Variants in EYA2 observed in about 807,000 individuals in gnomAD.
EYA2 encodes protein phosphatase EYA2.
Under a neutral mutation model 69.2 loss-of-function variants are expected in EYA2, and 31 were observed. The observed-to-expected ratio is 0.45, with a 90% CI of 0.34 to 0.60. EYA2 has a LOEUF of 0.60. EYA2 is among the 20% of genes least tolerant of loss of function. The pLI is 0.02. For synonymous variants in EYA2, 257 were observed against 279.4 expected (o/e 0.92, Z 0.80); for missense variants, 622 against 701.2 (o/e 0.89, Z 1.28).
intron 1 of EYA2, among the ~76,000 whole-genome samples, chr20:46,959,965 G>A (rs1287561601): frequency 6.6e-6 from 1 of 152,138 alleles, no homozygotes; most frequent in Non-Finnish European, 1.5e-5. Context: ...GATTTTTCAT[G>A]GCCTTCTGAA....
chr20:47,141,595 G>T (rs1487005273), intron 9 of EYA2, among the ~76,000 whole-genome samples: 1 of 152,172 alleles, frequency 6.6e-6, no homozygotes, highest in Non-Finnish European at 1.5e-5. Flanking sequence ...TATGATACAT[G>T]TCCATTGTGG....
At chr20:46,958,324 T>C (rs1189506229) in intron 1 of EYA2, among the ~76,000 whole-genome samples, 2 of 152,072 alleles carry the variant, frequency 1.3e-5, no homozygotes, top group African/African-American at 4.8e-5. Flanking sequence ...AACCAAACCT[T>C]GAAAATGCCC....
intron 7 of EYA2, among the ~76,000 whole-genome samples, chr20:47,078,372 C>G (rs1328548901): frequency 6.7e-6 from 1 of 149,946 alleles, no homozygotes; most frequent in East Asian, 2.0e-4. Context: ...CATTCATGCA[C>G]TCTTTTTAAA....
intron 5 of EYA2, among the ~76,000 whole-genome samples, chr20:47,023,640 T>TG (rs1405052841): frequency 2.3e-4 from 32 of 139,234 alleles, no homozygotes; most frequent in Non-Finnish European, 3.0e-4. Context: ...GTGTTTTTTT[T>TG]TTTTTTTTTT....
Position 46,987,985 on chromosome 20 carries a change from TATATATATATATGG to T in EYA2, c.-10-2015_-10-2002del, listed in dbSNP as rs1230290704. Among the ~76,000 whole-genome samples, 102 of 78,132 alleles carry T rather than the reference TATATATATATATGG, an allele frequency of 1.3e-3. 2 individuals carry two copies. Among genetic ancestry groups the T allele is most frequent in the African/African-American group, 3.0e-3 (47 of 15,768 alleles). 51.3% of individuals were successfully genotyped at this position (78,132 alleles called of 152,430 possible). ...CTCTCTATATATATATATATATATA[TATATATATATATGG>T]GGCAAAAAAAAAATACAGAATAAAA... On this transcript the variant is annotated intron_variant, in intron 1 of 15. Transcript: ENST00000327619.
In EYA2 at chr20:47,059,854, G is replaced by A. The variant is rs138108526; in HGVS notation, c.416-12331G>A. On this transcript the variant is annotated intron_variant, in intron 5 of 15. Coordinates refer to ENST00000327619, the MANE Select transcript of EYA2 (RefSeq NM_005244.5). ...GTCTTGGTCTAGGAGGCCCCTTTGG[G>A]TCTGGACTCTTCACATCTGTGTCTT... Among the ~76,000 whole-genome samples the A allele has an allele frequency of 1.9e-3, 285 of 152,266 alleles. 3 individuals are homozygous for A. The highest frequency in any genetic ancestry group is 6.5e-3 in the African/African-American group (272 of 41,552).
At chr20:46,974,264 G>A (rs1980317860) in intron 1 of EYA2, among the ~76,000 whole-genome samples, 1 of 152,062 alleles carries the variant, frequency 6.6e-6, no homozygotes, top group African/African-American at 2.4e-5. Flanking sequence ...AAATAATTTG[G>A]ACCAAGTGAA....
At chr20:46,977,361 G>A (rs1980526957) in intron 1 of EYA2, among the ~76,000 whole-genome samples, 2 of 152,216 alleles carry the variant, frequency 1.3e-5, no homozygotes, top group African/African-American at 2.4e-5. Context: ...TATCTCAGCA[G>A]GAGGAGGCAC....
intron 5 of EYA2, among the ~76,000 whole-genome samples, chr20:47,071,089 T>C (rs1031586674): frequency 4.6e-5 from 7 of 152,010 alleles, no homozygotes; most frequent in African/African-American, 1.7e-4. Context: ...GGCTCGCTGC[T>C]ACCTCCGCCT....
At chr20:47,135,242 A>G (rs141534282) in intron 9 of EYA2, among the ~76,000 whole-genome samples, 91 of 151,246 alleles carry the variant, frequency 6.0e-4, no homozygotes, top group African/African-American at 2.2e-3. Context: ...TTAAACTTTC[A>G]CTAAAAGGAT....
At chr20:46,920,884 G>A (rs149199905) in intron 1 of EYA2, among the ~76,000 whole-genome samples, 3 of 152,304 alleles carry the variant, frequency 2.0e-5, no homozygotes, top group East Asian at 3.9e-4. Flanking sequence ...TGGTTAGTAC[G>A]GCATCTCTTC....
At chr20:47,015,935 C>T (rs1983381076) in intron 4 of EYA2, among the ~76,000 whole-genome samples, 1 of 152,326 alleles carries the variant, frequency 6.6e-6, no homozygotes, top group South Asian at 2.1e-4. Context: ...AGCCGTAAGT[C>T]CAGCTTTTTG....
chr20:47,085,573 G>A (rs1230579441), intron 7 of EYA2, among the ~76,000 whole-genome samples: 2 of 151,910 alleles, frequency 1.3e-5, no homozygotes, highest in Non-Finnish European at 2.9e-5. Context: ...TTGAACCGGG[G>A]AGGCGGAGGT....
chr20:47,045,128 G>A (rs996649898), intron 5 of EYA2, among the ~76,000 whole-genome samples: 45 of 152,278 alleles, frequency 3.0e-4, no homozygotes, highest in Admixed American at 2.7e-3. Flanking sequence ...TCTTGGATTG[G>A]CTGGGCTCAG....
chr20:47,143,678 G>A (rs2033643917), intron 10 of EYA2, among the ~76,000 whole-genome samples: 2 of 152,074 alleles, frequency 1.3e-5, no homozygotes, highest in Non-Finnish European at 2.9e-5. Flanking sequence ...GGGAGATAGG[G>A]AAAAAAGCGG....
At chr20:47,078,715 C>A (rs1189518487) in intron 7 of EYA2, among the ~76,000 whole-genome samples, 2 of 152,152 alleles carry the variant, frequency 1.3e-5, no homozygotes, top group East Asian at 3.8e-4. Flanking sequence ...GGATTTTTTT[C>A]TTTTTACATT....
rs530500455 is a variant in EYA2, at chr20:47,150,184, C to T, written c.978+7036C>T. On this transcript the variant is annotated intron_variant, in intron 10 of 15. Coordinates refer to ENST00000327619, the MANE Select transcript of EYA2 (RefSeq NM_005244.5). Reference sequence around the variant, plus strand: ...GGCACCTGGCGTCATCCTGCCTCACCTGAGTTTCTGCTGCATTCTCTGGTC... The same window carrying T: ...GGCACCTGGCGTCATCCTGCCTCACTTGAGTTTCTGCTGCATTCTCTGGTC... Among the ~76,000 whole-genome samples the T allele has an allele frequency of 2.6e-5, 4 of 152,320 alleles. No individual in the cohort carries two copies. The East Asian group carries it at 7.7e-4, about 29-fold the overall frequency.
At chr20:47,153,657 G>GA (rs921569264) in intron 10 of EYA2, among the ~76,000 whole-genome samples, 23 of 147,158 alleles carry the variant, frequency 1.6e-4, no homozygotes, top group Admixed American at 2.0e-4. Flanking sequence ...GAATATCTCA[G>GA]AAAAAAAAAA....
At chr20:47,182,612 A>C in intron 14 of EYA2, among the ~76,000 whole-genome samples, 1 of 78,918 alleles carries the variant, frequency 1.3e-5, no homozygotes, top group Non-Finnish European at 2.4e-5. Context: ...CTGGGCAACA[A>C]GAACGAGACT....
Sources: allele counts gnomAD v4.1 joint callset (sites outside exome capture counted in the v4.1 genomes callset), GRCh38; gene constraint gnomAD v4.1.1; transcripts MANE v1.5; gene names NCBI Gene and HGNC (gene_info 2026-07-23, HGNC 2026-07-21).